PHAX: variants seen among roughly 807,000 people sequenced by gnomAD.
PHAX encodes the protein phosphorylated adapter RNA export protein.
Under a neutral mutation model 41.6 loss-of-function variants are expected in PHAX, and 31 were observed. The observed-to-expected ratio is 0.75, with a 90% CI of 0.56 to 1.01. The LOEUF is 1.01. Ranked by LOEUF, PHAX falls within the 50% of genes least tolerant of loss-of-function variation. The probability of loss-of-function intolerance (pLI) is 0.00; values close to 1 mark genes in which losing one functional copy is unlikely to be tolerated. For missense variants in PHAX, 453 were observed against 472.9 expected (o/e 0.96, Z 0.39); for synonymous variants, 175 against 164.9 (o/e 1.06, Z -0.47).
At chr5:126,609,611 G>A (rs1195786794) in intron 3 of PHAX, among the ~76,000 whole-genome samples, 2 of 151,894 alleles carry the variant, frequency 1.3e-5, no homozygotes, top group African/African-American at 4.8e-5. Context: ...TAGAGGAGAT[G>A]GTGCACATGA....
chr5:126,617,223 G>A (rs779152025), intron 3 of PHAX, 27 bp from the exon 4 acceptor site: 11 of 1,481,252 alleles, frequency 7.4e-6, no homozygotes, highest in South Asian at 4.6e-5. Context: ...AGTATATGCA[G>A]TTTACCTTTT....
At position 126,627,139 on chromosome 5, in the gene PHAX, T is replaced by C. The variant is rs1343671527; in HGVS notation, c.*2295T>C. On this transcript the variant is annotated 3_prime_UTR_variant, in exon 5 of 5. Transcript: ENST00000297540. ...TTACAGACAGTGTACTTGAAGTCTT[T>C]TGGTAGTTCTGAGAATGTGGTCATT... 2.0e-5 allele frequency: 3 copies of C among 152,146 alleles called. No individual in the cohort carries two copies. In the East Asian group the frequency reaches 5.8e-4, roughly 29 times the overall value. The allele number at this position is 152,146 out of a possible 1,614,324, so 9.4% of individuals were successfully genotyped here. A position where few individuals can be genotyped will look rare whatever the true frequency, so the allele number is the denominator to read the frequency against.
At chr5:126,604,226 C>G in intron 2 of PHAX, 43 bp downstream of exon 2, 1 of 1,315,152 alleles carries the variant, frequency 7.6e-7, no homozygotes, top group Non-Finnish European at 1.0e-6. Context: ...CAGATGGCTT[C>G]TATTTACAGG....
intron 4 of PHAX, among the ~76,000 whole-genome samples, chr5:126,618,538 T>C (rs961258491): frequency 3.3e-5 from 5 of 152,160 alleles, no homozygotes; most frequent in Admixed American, 3.3e-4. Context: ...GAATATATTT[T>C]ATATACTTTC....
At chr5:126,610,189 A>T (rs1752066332) in intron 3 of PHAX, among the ~76,000 whole-genome samples, 1 of 152,212 alleles carries the variant, frequency 6.6e-6, no homozygotes, top group African/African-American at 2.4e-5. Context: ...ATGGGAGAAA[A>T]GTTTGAGAAG....
intron 4 of PHAX, among the ~76,000 whole-genome samples, chr5:126,623,193 C>T (rs551955735): frequency 6.9e-4 from 105 of 151,800 alleles, no homozygotes; most frequent in Non-Finnish European, 1.2e-3. Flanking sequence ...GATGCTGAGG[C>T]GGGAGGATTG....
chr5:126,615,630 G>C lies in PHAX; in HGVS notation c.832-1620G>C, dbSNP rs371454304. ...CAAGAAGACTGTGACATGCGTTAGAGAGAAAATATGGTTAGATAAGCATCG... is the reference window on the plus strand; with the variant it reads ...CAAGAAGACTGTGACATGCGTTAGACAGAAAATATGGTTAGATAAGCATCG... On this transcript the variant is annotated intron_variant, in intron 3 of 4. Transcript: ENST00000297540. 3.3e-5 allele frequency among the ~76,000 whole-genome samples: 5 copies of C among 151,880 alleles called. 1 individual carries two copies. Among genetic ancestry groups the C allele is most frequent in the African/African-American group, 1.2e-4 (5 of 41,376 alleles).
In PHAX at chr5:126,603,946, A is replaced by G. The variant is rs754769319; in HGVS notation, c.473A>G (p.Lys158Arg). 15 of 1,614,170 alleles carry G rather than the reference A, an allele frequency of 9.3e-6. 1 individual carries two copies. The East Asian group carries it at 1.3e-4, about 14-fold the overall frequency. ...GAGACCTACAATTATTTGCTTGCCA[A>G]GAAACTTAGGAAGGAATCTCAAGAG... is the stretch of plus-strand genomic sequence containing the variant. The part of the protein sequence containing the change: ...QSETYNYLLA[K>R]KLRKESQEHT... Residue 158 changes from lysine (K) to arginine (R), a missense_variant, in exon 2 of 5, where the codon AAG becomes AGG. Lys to Arg is a conservative substitution (Grantham distance 26, BLOSUM62 2). Transcript: ENST00000297540.
At chr5:126,611,657 G>T (rs1413429868) in intron 3 of PHAX, among the ~76,000 whole-genome samples, 1 of 151,962 alleles carries the variant, frequency 6.6e-6, no homozygotes, top group Non-Finnish European at 1.5e-5. Context: ...CAGGCTTGGT[G>T]GCACATGTGT....
chr5:126,624,373 C>G (rs7711952), intron 4 of PHAX, among the ~76,000 whole-genome samples: 41,016 of 151,920 alleles, frequency 0.27, 7,033 homozygotes, highest in African/African-American at 0.47. Context: ...GGGCCCTAAA[C>G]CTAACACTAG....
At chr5:126,601,285 G>T (rs1392135400) in intron 1 of PHAX, among the ~76,000 whole-genome samples, 2 of 151,996 alleles carry the variant, frequency 1.3e-5, no homozygotes, top group Non-Finnish European at 2.9e-5. Context: ...GACGGCGGCA[G>T]CGGCAGCGGC....
In PHAX at chr5:126,600,989, A is replaced by G; in HGVS notation, c.27A>G (p.Glu9=). ...TGGCGTTGGAGGTCGGCGATATGGA[A>G]GATGGGCAGCTTTCCGACTCGGATT... The part of the protein sequence containing the change: MALEVGDM[E]DGQLSDSDSD... The change falls in exon 1 of 5, where the codon GAA becomes GAG. Residue 9 remains glutamate (E), a synonymous_variant. Transcript: ENST00000297540. 6.2e-7 allele frequency: 1 copy of G among 1,604,422 alleles called. No homozygotes were observed. Among genetic ancestry groups the G allele is most frequent in the South Asian group, 1.1e-5 (1 of 90,682 alleles).
chr5:126,615,124 TTAA>T (rs1290631643), intron 3 of PHAX, among the ~76,000 whole-genome samples: 2 of 152,094 alleles, frequency 1.3e-5, no homozygotes, highest in African/African-American at 4.8e-5. Flanking sequence ...TTTTTTTAAC[TTAA>T]TTTCTCTTAG....
intron 4 of PHAX, among the ~76,000 whole-genome samples, chr5:126,618,749 C>T (rs546307786): frequency 2.0e-5 from 3 of 151,260 alleles, no homozygotes; most frequent in African/African-American, 7.3e-5. Flanking sequence ...ACCTCTGCCT[C>T]CCGGGTTCAA....
rs149532695 is a variant in PHAX at position 126,617,015 on chromosome 5, G to A, written c.832-235G>A. Among the ~76,000 whole-genome samples, 451 of 152,006 alleles carry A rather than the reference G, an allele frequency of 3.0e-3. 2 individuals carry two copies. The highest frequency in any genetic ancestry group is 0.01 in the African/African-American group (427 of 41,442). On this transcript the variant is annotated intron_variant, in intron 3 of 4. Coordinates refer to ENST00000297540, the MANE Select transcript of PHAX (RefSeq NM_032177.4). ...TTACCATATAGATTTTTTAAATCAC[G>A]GAATTTCAGAATTAAAAAAGACCAA...
Position 126,603,929 on chromosome 5 carries a change from C to G in PHAX, c.456C>G (p.Tyr152Ter). The G allele has an allele frequency of 6.2e-7, 1 of 1,614,000 alleles. No homozygotes were observed. Among genetic ancestry groups the G allele is most frequent in the Non-Finnish European group, 8.5e-7 (1 of 1,180,016 alleles). The stretch of plus-strand genomic sequence containing the variant: ...ACAGAAGCAGACAATCCGAGACCTA[C>G]AATTATTTGCTTGCCAAGAAACTTA... Reference protein sequence around the residue: ...TIDRSRQSETYNYLLAKKLRK... With the variant: ...TIDRSRQSET Residue 152 changes from tyrosine (Y) to a stop codon, truncating the protein, a stop_gained, in exon 2 of 5, where the codon TAC becomes TAG. Transcript: ENST00000297540. LOFTEE classifies it high-confidence loss of function.
intron 2 of PHAX, among the ~76,000 whole-genome samples, chr5:126,605,767 G>T (rs1751979824): frequency 6.6e-6 from 1 of 152,166 alleles, no homozygotes; most frequent in African/African-American, 2.4e-5. Context: ...ACAACTTGTT[G>T]CATTTAGTGC....
rs139878363 is a variant in PHAX, at chr5:126,603,947, G to A, written c.474G>A (p.Lys158=). 1.9e-6 allele frequency: 3 copies of A among 1,613,942 alleles called. No individual in the cohort carries two copies. Among genetic ancestry groups the A allele is most frequent in the African/African-American group, 2.7e-5 (2 of 74,890 alleles). ...AGACCTACAATTATTTGCTTGCCAA[G>A]AAACTTAGGAAGGAATCTCAAGAGC... ...QSETYNYLLA[K]KLRKESQEHT... Residue 158 remains lysine (K), a synonymous_variant, in exon 2 of 5, where the codon AAG becomes AAA. Coordinates refer to ENST00000297540, the MANE Select transcript of PHAX (RefSeq NM_032177.4).
At chr5:126,624,118 C>T (rs1752311887) in intron 4 of PHAX, among the ~76,000 whole-genome samples, 2 of 150,750 alleles carry the variant, frequency 1.3e-5, no homozygotes, top group African/African-American at 2.5e-5. Context: ...AAATGATCCT[C>T]CTGCCTCAGC....
Sources: gnomAD v4.1 joint callset for allele counts (sites outside exome capture counted in the v4.1 genomes callset) on GRCh38, gnomAD v4.1.1 for gene constraint, MANE v1.5 for transcripts, NCBI Gene and HGNC (gene_info 2026-07-23, HGNC 2026-07-21) for gene names.